CALCA: variants seen among roughly 807,000 people sequenced by gnomAD.
CALCA encodes calcitonin related polypeptide alpha, also known as calcitonin.
CALCA carries 4 observed loss-of-function variants against 6.9 expected under a neutral mutation model. The observed-to-expected ratio is 0.58, with a 90% CI of 0.29 to 1.33. The LOEUF is 1.33. Among genes scored for constraint, CALCA ranks in the 40% most tolerant of loss-of-function variants. The pLI is 0.09. For synonymous variants in CALCA, 78 were observed against 70.0 expected (o/e 1.11, Z -0.57); for missense variants, 174 against 178.3 (o/e 0.98, Z 0.14).
chr11:14,971,210 G>T lies in CALCA; in HGVS notation c.-9-9C>A. 1 of 1,598,862 alleles carries T rather than the reference G, an allele frequency of 6.3e-7. No individual in the cohort carries two copies. The highest frequency in any genetic ancestry group is 8.6e-7 in the Non-Finnish European group (1 of 1,166,222). ...AAGCCCATGACACCTCTCTGCAAGG[G>T]AAGAATGAGATAAACCACCTGCGCC... On this transcript the variant is annotated splice_polypyrimidine_tract_variant and intron_variant, in intron 1 of 3. Transcript: ENST00000331587.
At chr11:14,966,866 G>A (rs1849469492), downstream of CALCA, 1 of 152,582 alleles carries the variant, frequency 6.6e-6, no homozygotes, top group Non-Finnish European at 1.5e-5. Flanking sequence ...GCCTAGATTT[G>A]CTACCAGATA....
rs782192348 is a variant in CALCA, at chr11:14,968,769, G to A, written c.*30C>T. On this transcript the variant is annotated 3_prime_UTR_variant, in exon 4 of 4. Transcript: ENST00000331587. ...GCATCAAGTTATAGGAAGGATGCAAGAAGGGAAATTAGGAAGGAAAGGGAG... is the reference window on the plus strand; with the variant it reads ...GCATCAAGTTATAGGAAGGATGCAAAAAGGGAAATTAGGAAGGAAAGGGAG... 4 of 1,613,862 alleles carry A rather than the reference G, an allele frequency of 2.5e-6. No individual in the cohort carries two copies. Among genetic ancestry groups the A allele is most frequent in the Non-Finnish European group, 3.4e-6 (4 of 1,179,888 alleles).
intron 1 of CALCA, among the ~76,000 whole-genome samples, chr11:14,971,911 G>T (rs1297792751): frequency 6.6e-6 from 1 of 152,182 alleles, no homozygotes; most frequent in Non-Finnish European, 1.5e-5. Context: ...TCCAGACGCC[G>T]TCCCTGATCG....
downstream of CALCA, among the ~76,000 whole-genome samples, chr11:14,967,495 A>G (rs1411007618): frequency 1.3e-5 from 2 of 152,238 alleles, no homozygotes; most frequent in Non-Finnish European, 2.9e-5. Context: ...GGAGAGACTG[A>G]AAAAACAGAG....
In CALCA at chr11:14,969,988, A is replaced by G. The variant is rs782216061; in HGVS notation, c.174T>C (p.Tyr58=). 2.5e-6 allele frequency: 4 copies of G among 1,614,058 alleles called. No individual in the cohort carries two copies. The highest frequency in any genetic ancestry group is 1.3e-5 in the African/African-American group (1 of 75,062). The change falls in exon 3 of 4, where the codon TAT becomes TAC. Residue 58 remains tyrosine (Y), a synonymous_variant. Coordinates refer to ENST00000331587, the MANE Select transcript of CALCA (RefSeq NM_001741.3). ...CCAGCTCACTGGCCTTCATCTGCACATAGTCCTGCACCAGTGCAGCCAGCA... is the reference window on the plus strand; with the variant it reads ...CCAGCTCACTGGCCTTCATCTGCACGTAGTCCTGCACCAGTGCAGCCAGCA... ...RLLLAALVQD[Y]VQMKASELEQ...
downstream of CALCA, chr11:14,967,789 A>T: frequency 6.2e-7 from 1 of 1,614,252 alleles, no homozygotes; most frequent in East Asian, 2.2e-5. Flanking sequence ...TGATCTGCTC[A>T]GCAAGCCTGC....
intron 1 of CALCA, 47 bp downstream of exon 1, chr11:14,972,198 G>C (rs538005968): frequency 6.5e-6 from 1 of 153,164 alleles, no homozygotes; most frequent in East Asian, 1.9e-4. Flanking sequence ...CGAATGGAGG[G>C]AGAGGGAGGG....
downstream of CALCA, chr11:14,967,989 C>T (rs1381019039): frequency 8.6e-5 from 86 of 1,004,444 alleles, no homozygotes; most frequent in Non-Finnish European, 1.2e-4. Context: ...CTCCTAAACA[C>T]AATTATCAGA....
chr11:14,971,131 C>T lies in CALCA; in HGVS notation c.62G>A (p.Gly21Asp). Residue 21 changes from glycine to aspartate, a missense_variant, in exon 2 of 4, where the codon GGC (glycine) becomes GAC (aspartate). Gly to Asp is a moderately conservative substitution (Grantham distance 94). Transcript: ENST00000331587. ...CCTGAATGGTGCTGCATGGAGGCTGCCTGCCTGCAACAGGACCAAGATGCT... is the reference window on the plus strand; with the variant it reads ...CCTGAATGGTGCTGCATGGAGGCTGTCTGCCTGCAACAGGACCAAGATGCT... ...ALSILVLLQA[G>D]SLHAAPFRSA... 1 of 1,613,996 alleles carries T rather than the reference C, an allele frequency of 6.2e-7. No individual in the cohort carries two copies. Among genetic ancestry groups the T allele is most frequent in the Non-Finnish European group, 8.5e-7 (1 of 1,179,920 alleles).
rs1849558168 is a variant in CALCA, at chr11:14,969,994, C to G, written c.168G>C (p.Gln56His). ...CACTGGCCTTCATCTGCACATAGTC[C>G]TGCACCAGTGCAGCCAGCAGGAGGC... ...EARLLLAALVQDYVQMKASEL... is the reference protein window; with the variant it reads ...EARLLLAALVHDYVQMKASEL... Residue 56 changes from glutamine (Q) to histidine (H), a missense_variant, in exon 3 of 4, where the codon CAG becomes CAC. Gln to His is a conservative substitution (Grantham distance 24). Transcript: ENST00000331587. 1 of 1,614,022 alleles carries G rather than the reference C, an allele frequency of 6.2e-7. No individual in the cohort carries two copies. The highest frequency in any genetic ancestry group is 1.7e-5 in the Admixed American group (1 of 60,010).
chr11:14,969,115 C>A lies in CALCA; in HGVS notation c.228-118G>T, dbSNP rs1849529246. The A allele has an allele frequency of 3.5e-6, 3 of 869,422 alleles. No homozygotes were observed. In the East Asian group the frequency reaches 7.4e-5, roughly 21 times the overall value. The allele number at this position is 869,422 out of a possible 1,614,324, so 53.9% of individuals were successfully genotyped here. On this transcript the variant is annotated intron_variant, in intron 3 of 3. Coordinates refer to ENST00000331587, the MANE Select transcript of CALCA (RefSeq NM_001741.3). ...GGAGCAGGAGGGGCAGGCAGGAGGGCAGCTCACTTATCTATCCTTCATTAG... is the reference window on the plus strand; with the variant it reads ...GGAGCAGGAGGGGCAGGCAGGAGGGAAGCTCACTTATCTATCCTTCATTAG...
intron 3 of CALCA, 77 bp from the exon 4 acceptor site, chr11:14,969,074 C>A: frequency 7.3e-7 from 1 of 1,378,960 alleles, no homozygotes; most frequent in Admixed American, 1.7e-5. Flanking sequence ...AAGGTTAGAC[C>A]AGGCAGGGGA....
downstream of CALCA, chr11:14,968,018 A>G: frequency 1.2e-6 from 1 of 805,252 alleles, no homozygotes; most frequent in Non-Finnish European, 2.0e-6. Flanking sequence ...TCACAAGGCC[A>G]TTAGGGAAAA....
In CALCA at chr11:14,968,945, C is replaced by A; in HGVS notation, c.280G>T (p.Gly94Cys). 1 of 1,613,966 alleles carries A rather than the reference C, an allele frequency of 6.2e-7. No individual in the cohort carries two copies. Among genetic ancestry groups the A allele is most frequent in the Non-Finnish European group, 8.5e-7 (1 of 1,180,028 alleles). Reference protein sequence around the residue: ...RCGNLSTCMLGTYTQDFNKFH... With the variant: ...RCGNLSTCMLCTYTQDFNKFH... Reference sequence around the variant, plus strand: ...TTGTTGAAGTCCTGCGTGTATGTGCCCAGCATGCAAGTACTCAGATTACCG... The same window carrying A: ...TTGTTGAAGTCCTGCGTGTATGTGCACAGCATGCAAGTACTCAGATTACCG... Residue 94 changes from glycine (G) to cysteine (C), a missense_variant, in exon 4 of 4, where the codon GGC (glycine) becomes TGC (cysteine). By Grantham distance (159) the Gly-to-Cys change is radical (BLOSUM62 -3). Transcript: ENST00000331587.
At chr11:14,971,442 G>A (rs1555026508) in intron 1 of CALCA, among the ~76,000 whole-genome samples, 1 of 152,122 alleles carries the variant, frequency 6.6e-6, no homozygotes, top group Admixed American at 6.5e-5. Context: ...TAGAGGGAGA[G>A]CTGAGTGGGG....
At chr11:14,969,138 T>G in intron 3 of CALCA, 141 bp from the exon 4 acceptor site, 1 of 763,044 alleles carries the variant, frequency 1.3e-6, no homozygotes, top group Non-Finnish European at 2.3e-6. Flanking sequence ...TATCCTTCAT[T>G]AGGAGAGCTC....
downstream of CALCA, chr11:14,967,856 T>C: frequency 6.2e-7 from 1 of 1,614,242 alleles, no homozygotes; most frequent in Non-Finnish European, 8.5e-7. Flanking sequence ...GCAATGATTC[T>C]GATTTGCAGG....
Position 14,971,141 on chromosome 11 carries a change from A to T in CALCA, c.52T>A (p.Leu18Met), listed in dbSNP as rs144571175. ...GCTGCATGGAGGCTGCCTGCCTGCAACAGGACCAAGATGCTGAGAGCCAGG... is the reference window on the plus strand; with the variant it reads ...GCTGCATGGAGGCTGCCTGCCTGCATCAGGACCAAGATGCTGAGAGCCAGG... ...PFLALSILVL[L>M]QAGSLHAAPF... Residue 18 changes from leucine (L) to methionine (M), a missense_variant, in exon 2 of 4, where the codon TTG becomes ATG. Transcript: ENST00000331587. The T allele has an allele frequency of 4.8e-5, 78 of 1,613,996 alleles. No homozygotes were observed. In the African/African-American group the frequency reaches 7.9e-4, roughly 16 times the overall value.
At chr11:14,971,074 T>C (rs1344849394) in intron 2 of CALCA, 33 bp downstream of exon 2, 3 of 1,566,938 alleles carry the variant, frequency 1.9e-6, no homozygotes, top group South Asian at 1.1e-5. Context: ...AATTGTCTGA[T>C]ACCAGTGTGG....
Sources: gnomAD v4.1 joint callset for allele counts (sites outside exome capture counted in the v4.1 genomes callset) on GRCh38, gnomAD v4.1.1 for gene constraint, MANE v1.5 for transcripts, NCBI Gene and HGNC (gene_info 2026-07-23, HGNC 2026-07-21) for gene names.